Variants in TMEM132C observed in about 807,000 individuals in gnomAD.
The protein encoded by TMEM132C is protein phosphatase 1, regulatory subunit 152.
In TMEM132C, 29 loss-of-function variants were observed where a neutral mutation model predicts 61.4. The observed-to-expected ratio is 0.47, with a 90% CI of 0.35 to 0.64. The LOEUF (loss-of-function observed/expected upper bound fraction) is 0.64. TMEM132C is among the 30% of genes least tolerant of loss of function. The probability of loss-of-function intolerance (pLI) is 0.00; values close to 1 mark genes in which losing one functional copy is unlikely to be tolerated. For synonymous variants in TMEM132C, 656 were observed against 633.1 expected (o/e 1.04, Z -0.54); for missense variants, 1,408 against 1,476.9 (o/e 0.95, Z 0.76).
chr12:128,287,411 T>C (rs1871108071), intron 1 of TMEM132C, among the ~76,000 whole-genome samples: 1 of 152,222 alleles, frequency 6.6e-6, no homozygotes, highest in Non-Finnish European at 1.5e-5. Context: ...AATTAACATT[T>C]ACCAGGTTTG....
chr12:128,438,774 C>T (rs982087525), intron 2 of TMEM132C: 1 of 152,180 alleles, frequency 6.6e-6, no homozygotes, highest in Non-Finnish European at 1.5e-5. Context: ...TCCTGTCTCC[C>T]CAAAGCCTCT....
intron 4 of TMEM132C, among the ~76,000 whole-genome samples, chr12:128,631,603 C>A (rs765725353): frequency 5.9e-5 from 9 of 152,208 alleles, no homozygotes; most frequent in Admixed American, 1.3e-4. Context: ...AATTTTGGAG[C>A]AGGTGGCAGA....
At chr12:128,469,724 A>G (rs531463482) in intron 2 of TMEM132C, among the ~76,000 whole-genome samples, 18 of 151,348 alleles carry the variant, frequency 1.2e-4, no homozygotes, top group Middle Eastern at 3.4e-3. Flanking sequence ...GTGTGTGTGT[A>G]TATATATATG....
chr12:128,269,246 C>T (rs888066612), intron 1 of TMEM132C, among the ~76,000 whole-genome samples: 10 of 152,226 alleles, frequency 6.6e-5, no homozygotes, highest in African/African-American at 2.4e-4. Context: ...TGACCGACCT[C>T]CTCCGGGTTT....
At chr12:128,350,106 A>G (rs1873290064) in intron 1 of TMEM132C, among the ~76,000 whole-genome samples, 1 of 152,266 alleles carries the variant, frequency 6.6e-6, no homozygotes, top group Non-Finnish European at 1.5e-5. Context: ...ATTGTCTTCT[A>G]TGAATTATCA....
chr12:128,492,118 G>C (rs1395109621), intron 2 of TMEM132C, among the ~76,000 whole-genome samples: 2 of 151,972 alleles, frequency 1.3e-5, no homozygotes, highest in Admixed American at 6.6e-5. Context: ...TTTTGTTCTT[G>C]CAATAGTTTG....
chr12:128,423,951 G>C (rs1372832666), intron 2 of TMEM132C, among the ~76,000 whole-genome samples: 1 of 149,488 alleles, frequency 6.7e-6, no homozygotes, highest in Non-Finnish European at 1.5e-5. Context: ...GGGTGCTGAG[G>C]CAGGAGAATG....
At chr12:128,503,727 G>A (rs189670862) in intron 2 of TMEM132C, among the ~76,000 whole-genome samples, 1 of 152,338 alleles carries the variant, frequency 6.6e-6, no homozygotes, top group Admixed American at 6.5e-5. Flanking sequence ...GGAAATGGAA[G>A]TGCAGACCGG....
At chr12:128,578,753 G>A (rs11059772) in intron 3 of TMEM132C, among the ~76,000 whole-genome samples, 12,682 of 151,852 alleles carry the variant, frequency 0.084, 627 homozygotes, top group East Asian at 0.17. Flanking sequence ...ACCTGCCACC[G>A]CACCCTGCTA....
chr12:128,430,089 G>C (rs1423937331), intron 2 of TMEM132C, among the ~76,000 whole-genome samples: 1 of 152,210 alleles, frequency 6.6e-6, no homozygotes, highest in East Asian at 1.9e-4. Flanking sequence ...GCGAGCTACA[G>C]AGTCTCCAGA....
At chr12:128,658,850 A>C (rs1206796511) in intron 4 of TMEM132C, among the ~76,000 whole-genome samples, 1 of 152,250 alleles carries the variant, frequency 6.6e-6, no homozygotes, top group East Asian at 1.9e-4. Flanking sequence ...AGTTGAGCAA[A>C]GGGTGCAGGC....
chr12:128,370,633 G>A (rs942215869), intron 1 of TMEM132C, among the ~76,000 whole-genome samples: 1 of 151,884 alleles, frequency 6.6e-6, no homozygotes, highest in African/African-American at 2.4e-5. Flanking sequence ...ACTTGGAAAG[G>A]CACCCTGACC....
chr12:128,681,960 G>A (rs1314939081), intron 5 of TMEM132C, among the ~76,000 whole-genome samples: 1 of 151,684 alleles, frequency 6.6e-6, no homozygotes, highest in East Asian at 1.9e-4. Context: ...GTGAGCCACC[G>A]TGCCCGGCCC....
intron 2 of TMEM132C, among the ~76,000 whole-genome samples, chr12:128,451,362 G>T (rs887915910): frequency 6.6e-6 from 1 of 152,190 alleles, no homozygotes. Flanking sequence ...AGCTAAAAAT[G>T]TGCCTTTGAT....
In TMEM132C at chr12:128,656,199, T is replaced by C. The variant is rs58930868; in HGVS notation, c.1306-13218T>C. Among the ~76,000 whole-genome samples the C allele has an allele frequency of 8.8e-3, 1,336 of 152,270 alleles. 19 individuals are homozygous for C. The highest frequency in any genetic ancestry group is 0.03 in the African/African-American group (1,252 of 41,562). Reference sequence around the variant, plus strand: ...CCTAGTAGCTGGGATTACAGGCGTGTGCCACCACACCCGGCTAATTTTTAT... The same window carrying C: ...CCTAGTAGCTGGGATTACAGGCGTGCGCCACCACACCCGGCTAATTTTTAT... On this transcript the variant is annotated intron_variant, in intron 4 of 8. Coordinates refer to ENST00000435159, the MANE Select transcript of TMEM132C (RefSeq NM_001136103.3).
chr12:128,323,848 T>C (rs1872419130), intron 1 of TMEM132C, among the ~76,000 whole-genome samples: 1 of 151,800 alleles, frequency 6.6e-6, no homozygotes, highest in Admixed American at 6.6e-5. Flanking sequence ...CACTGCACGC[T>C]GGGGAGGCGG....
At chr12:128,559,093 GCAAACACACACACACACACA>G (rs927517159) in intron 3 of TMEM132C, among the ~76,000 whole-genome samples, 6 of 146,470 alleles carry the variant, frequency 4.1e-5, no homozygotes, top group African/African-American at 1.6e-4. Context: ...TCATGCATAT[GCAAACACACACACACACACA>G]CAAACACACA....
intron 2 of TMEM132C, among the ~76,000 whole-genome samples, chr12:128,422,643 A>G (rs985844337): frequency 1.1e-4 from 17 of 152,166 alleles, no homozygotes; most frequent in African/African-American, 4.1e-4. Context: ...CCATGTCTCA[A>G]CGCAGTGAAG....
At chr12:128,553,258 A>G (rs1362663732) in intron 3 of TMEM132C, among the ~76,000 whole-genome samples, 2 of 152,258 alleles carry the variant, frequency 1.3e-5, no homozygotes, top group African/African-American at 4.8e-5. Flanking sequence ...TGTGGGCTAC[A>G]GGTTGGACAA....
Sources: allele counts gnomAD v4.1 joint callset (sites outside exome capture counted in the v4.1 genomes callset), GRCh38; gene constraint gnomAD v4.1.1; transcripts MANE v1.5; gene names NCBI Gene and HGNC (gene_info 2026-07-23, HGNC 2026-07-21).